Variants in ADCY7 observed in about 807,000 individuals in gnomAD.
The protein encoded by ADCY7 is adenylate cyclase type 7.
Under a neutral mutation model 120.6 loss-of-function variants are expected in ADCY7, and 72 were observed. The ratio of observed to expected loss-of-function variants is 0.60; its 90% CI spans 0.49 to 0.73. The LOEUF is 0.73. Ranked by LOEUF, ADCY7 falls within the 30% of genes least tolerant of loss-of-function variation. ADCY7 has a pLI of 0.00. For missense variants in ADCY7, 1,227 were observed against 1,486.0 expected, an observed-to-expected ratio of 0.83 and a Z score of 2.87; for synonymous variants, 661 against 628.0, an observed-to-expected ratio of 1.05 and a Z score of -0.78.
intron 10 of ADCY7, among the ~76,000 whole-genome samples, chr16:50,302,314 C>G (rs542592227): frequency 7.9e-5 from 12 of 152,340 alleles, no homozygotes; most frequent in Admixed American, 3.9e-4. Context: ...TGCAGCCCCC[C>G]ACCCCGTGCT....
Position 50,304,407 on chromosome 16 carries a change from G to A in ADCY7, c.1416G>A (p.Gly472=), listed in dbSNP as rs772279549. ...GCCAACACCTCCCCAGGCCCAAGGG[G>A]GACGCGGCCCTGAAGATGCGGGCGT... ...PPSQHLPRPK[G]DAALKMRASV... is the part of the protein sequence containing the mutation. The change falls in exon 11 of 26, where the codon GGG becomes GGA. Residue 472 remains glycine, a synonymous_variant. Coordinates refer to ENST00000673801, the MANE Select transcript of ADCY7 (RefSeq NM_001114.5). 1 of 1,591,646 alleles carries A rather than the reference G, an allele frequency of 6.3e-7. No individual in the cohort carries two copies. The highest frequency in any genetic ancestry group is 2.3e-5 in the East Asian group (1 of 44,340).
chr16:50,251,674 A>G (rs2032759938), intron 1 of ADCY7, among the ~76,000 whole-genome samples: 1 of 152,238 alleles, frequency 6.6e-6, no homozygotes, highest in South Asian at 2.1e-4. Flanking sequence ...CATGGCAGCT[A>G]CCGGTGGAAG....
intron 20 of ADCY7, 108 bp downstream of exon 20, chr16:50,311,894 CTA>C (rs1201554022): frequency 7.0e-7 from 1 of 1,438,636 alleles, no homozygotes; most frequent in Non-Finnish European, 9.6e-7. Context: ...GCAGAAAAGA[CTA>C]GAGTCCTGCC....
chr16:50,310,696 T>A lies in ADCY7; in HGVS notation c.2170T>A (p.Cys724Ser). ...ALCEPLPYYT[C>S]SCVLGFIACS... ...CACCCTGCCCCCTCAGTACTACACC[T>A]GCAGCTGTGTCCTGGGCTTCATCGC... The change falls in exon 19 of 26, where the codon TGC becomes AGC. Residue 724 changes from cysteine (C) to serine (S), a missense_variant. Transcript: ENST00000673801. The A allele has an allele frequency of 6.2e-7, 1 of 1,613,900 alleles. No individual in the cohort carries two copies. Among genetic ancestry groups the A allele is most frequent in the South Asian group, 1.1e-5 (1 of 91,052 alleles).
chr16:50,254,875 C>T (rs1431062906), intron 1 of ADCY7, among the ~76,000 whole-genome samples: 2 of 122,078 alleles, frequency 1.6e-5, no homozygotes, highest in East Asian at 5.1e-4. Context: ...CCACAAAAGA[C>T]CCCAAATAGC....
intron 1 of ADCY7, among the ~76,000 whole-genome samples, chr16:50,278,220 T>A (rs2034024692): frequency 6.6e-6 from 1 of 152,156 alleles, no homozygotes; most frequent in South Asian, 2.1e-4. Context: ...TTGTATTTTT[T>A]AATAGAAATG....
At position 50,304,356 on chromosome 16, in the gene ADCY7, G is replaced by A. The variant is rs751363731; in HGVS notation, c.1369-4G>A. The A allele has an allele frequency of 8.0e-6, 12 of 1,503,870 alleles. 1 individual carries two copies. The highest frequency in any genetic ancestry group is 2.6e-5 in the South Asian group (2 of 75,654). 93.2% of individuals were successfully genotyped at this position (1,503,870 alleles called of 1,614,324 possible). A position where few individuals can be genotyped will look rare whatever the true frequency, so the allele number is the denominator to read the frequency against. ...CACAGGCCCATGTCCATGTCTGCCC[G>A]CAGAGCCAGCAGCCACCCCCGCCCA... On this transcript the variant is annotated splice_polypyrimidine_tract_variant and splice_region_variant and intron_variant, in intron 10 of 25. Coordinates refer to ENST00000673801, the MANE Select transcript of ADCY7 (RefSeq NM_001114.5).
At chr16:50,263,045 G>T (rs1431606837), upstream of ADCY7, among the ~76,000 whole-genome samples, 1 of 152,204 alleles carries the variant, frequency 6.6e-6, no homozygotes, top group Non-Finnish European at 1.5e-5. Context: ...CAGGAGCATG[G>T]GTTGTGAAGT....
At chr16:50,250,226 C>T (rs990318080) in intron 1 of ADCY7, among the ~76,000 whole-genome samples, 5 of 152,118 alleles carry the variant, frequency 3.3e-5, no homozygotes, top group African/African-American at 9.7e-5. Flanking sequence ...GAGGCCGAGG[C>T]GGGCGGATCA....
Position 50,290,532 on chromosome 16 carries a change from A to G in ADCY7, c.247A>G (p.Met83Val). Residue 83 changes from methionine to valine, a missense_variant, in exon 3 of 26, where the codon ATG (methionine) becomes GTG (valine). Met to Val is a conservative substitution (Grantham distance 21). Coordinates refer to ENST00000673801, the MANE Select transcript of ADCY7 (RefSeq NM_001114.5). ...LAVFAALSVLMYVECLLRRWL... is the reference protein window; with the variant it reads ...LAVFAALSVLVYVECLLRRWL... ...GGTGTTTGCGGCCCTCTCTGTGCTG[A>G]TGTACGTCGAGTGTCTCCTGCGGCG... The G allele has an allele frequency of 6.2e-7, 1 of 1,614,154 alleles. No individual in the cohort carries two copies. The highest frequency in any genetic ancestry group is 8.5e-7 in the Non-Finnish European group (1 of 1,180,038).
At chr16:50,287,019 A>AT (rs71138057) in intron 1 of ADCY7, among the ~76,000 whole-genome samples, 120 of 144,378 alleles carry the variant, frequency 8.3e-4, no homozygotes, top group East Asian at 2.7e-3. Context: ...TGGGTATTTG[A>AT]TTTTTTTTTT....
chr16:50,245,279 G>C (rs1216952236), upstream of ADCY7, among the ~76,000 whole-genome samples: 3 of 152,140 alleles, frequency 2.0e-5, no homozygotes, highest in African/African-American at 7.2e-5. Flanking sequence ...CTGAGAAATC[G>C]GCATAACAGG....
rs1189081390 is a variant in ADCY7, at chr16:50,297,208, C to G, written c.949-1696C>G. On this transcript the variant is annotated intron_variant, in intron 7 of 25. Transcript: ENST00000673801. This position sits in a 1 kb window ranked among gnomAD's most constrained non-coding sequence, Gnocchi z 4.4. ...GGCAGGGCTGGTCCCAGCCTTTTCT[C>G]CTATCAACAATCAGATTCCAGAAGT... Among the ~76,000 whole-genome samples the G allele has an allele frequency of 6.6e-6, 1 of 152,236 alleles. No individual in the cohort carries two copies.
At chr16:50,303,636 G>A (rs1348647717) in intron 10 of ADCY7, among the ~76,000 whole-genome samples, 2 of 152,084 alleles carry the variant, frequency 1.3e-5, no homozygotes, top group Non-Finnish European at 2.9e-5. Context: ...TGTGGCATGA[G>A]TGGGGGCGGG....
At chr16:50,313,405 C>T (rs28403987) in intron 22 of ADCY7, 43,155 of 209,986 alleles carry the variant, frequency 0.21, 5,285 homozygotes, top group Middle Eastern at 0.33. Flanking sequence ...CAACAGTACA[C>T]AACTCTGTCT....
At chr16:50,287,156 C>T (rs1340386390) in intron 1 of ADCY7, among the ~76,000 whole-genome samples, 6 of 151,870 alleles carry the variant, frequency 4.0e-5, no homozygotes, top group African/African-American at 1.2e-4. Context: ...GCTGGGATTA[C>T]AGGCACACGT....
In ADCY7 at chr16:50,280,025, C is replaced by T. The variant is rs73579736; in HGVS notation, c.-268-7887C>T. ...ATAGTTTCTGTGGGAATGGTACTAG[C>T]TCTTCTTCGTATATCTGGTAGAATT... On this transcript the variant is annotated intron_variant, in intron 1 of 25. Coordinates refer to ENST00000673801, the MANE Select transcript of ADCY7 (RefSeq NM_001114.5). Among the ~76,000 whole-genome samples, 261 of 152,238 alleles carry T rather than the reference C, an allele frequency of 1.7e-3. 1 individual carries two copies. The highest frequency in any genetic ancestry group is 6.1e-3 in the African/African-American group (253 of 41,534).
rs565778744 is a variant in ADCY7, at chr16:50,297,596, C to T, written c.949-1308C>T. Among the ~76,000 whole-genome samples the T allele has an allele frequency of 1.2e-4, 18 of 152,252 alleles. No homozygotes were observed. The highest frequency in any genetic ancestry group is 4.2e-4 in the South Asian group (2 of 4,810). On this transcript the variant is annotated intron_variant, in intron 7 of 25. Coordinates refer to ENST00000673801, the MANE Select transcript of ADCY7 (RefSeq NM_001114.5). This position sits in a 1 kb window ranked among gnomAD's most constrained non-coding sequence, Gnocchi z 4.4. ...GCACACGCTGAAACTGAGTAATTGGCGGAGGGCACAGGCCAGGGATGGTTC... is the reference window on the plus strand; with the variant it reads ...GCACACGCTGAAACTGAGTAATTGGTGGAGGGCACAGGCCAGGGATGGTTC...
rs1454911014 is a variant in ADCY7, at chr16:50,294,727, T to C, written c.924T>C (p.Phe308=). The C allele has an allele frequency of 2.5e-6, 4 of 1,613,534 alleles. No individual in the cohort carries two copies. The highest frequency in any genetic ancestry group is 1.3e-5 in the African/African-American group (1 of 74,918). Reference sequence around the variant, plus strand: ...TGGTGGTGGTGCTGAATGAGCTCTTTGGCAAGTTCGACCAGATCGCCAAGG... The same window carrying C: ...TGGTGGTGGTGCTGAATGAGCTCTTCGGCAAGTTCGACCAGATCGCCAAGG... The part of the protein sequence containing the change: ...KELVVVLNEL[F]GKFDQIAKAN... The change falls in exon 7 of 26, where the codon TTT becomes TTC. Residue 308 remains phenylalanine (F), a synonymous_variant. Transcript: ENST00000673801.
Sources: gnomAD v4.1 joint callset for allele counts (sites outside exome capture counted in the v4.1 genomes callset) on GRCh38, gnomAD v4.1.1 for gene constraint, Gnocchi (gnomAD v3.1) non-coding constraint, MANE v1.5 for transcripts, NCBI Gene and HGNC (gene_info 2026-07-23, HGNC 2026-07-21) for gene names.